Variants in IL23R observed in about 807,000 individuals in gnomAD.
The protein encoded by IL23R is interleukin-23 receptor.
In IL23R, 34 loss-of-function variants were observed where a neutral mutation model predicts 56.9. That is an observed-to-expected ratio of 0.60 (90% CI 0.45 to 0.80). The LOEUF (loss-of-function observed/expected upper bound fraction) is 0.80. Among genes scored for constraint, IL23R ranks in the 30% least tolerant of loss-of-function variants. The probability of loss-of-function intolerance (pLI) is 0.00; values close to 1 mark genes in which losing one functional copy is unlikely to be tolerated. For missense variants in IL23R, 635 were observed against 730.0 expected (o/e 0.87, Z 1.50); for synonymous variants, 230 against 249.2 (o/e 0.92, Z 0.73).
At chr1:67,170,986 C>T (rs1646936153) in intron 3 of IL23R, among the ~76,000 whole-genome samples, 1 of 152,182 alleles carries the variant, frequency 6.6e-6, no homozygotes, top group African/African-American at 2.4e-5. Flanking sequence ...AATAAATCTA[C>T]CTTAAACTGA....
chr1:67,236,631 A>G (rs1462644470), intron 7 of IL23R, 82 bp from the exon 8 acceptor site: 2 of 858,432 alleles, frequency 2.3e-6, no homozygotes, highest in Non-Finnish European at 4.0e-6. Flanking sequence ...TCATCTCTAA[A>G]CAAGGGAAGA....
At position 67,200,833 on chromosome 1, in the gene IL23R, C is replaced by A. The variant is rs1440889889; in HGVS notation, c.588C>A (p.Val196=). Residue 196 remains valine, a synonymous_variant, in exon 5 of 11, where the codon GTC becomes GTA. Transcript: ENST00000347310. ...GTGGCAAGAAGTACTTGGTTTGGGT[C>A]CAAGCAGCAAACGCACTAGGCATGG... The part of the protein sequence containing the change: ...LQGGKKYLVW[V]QAANALGMEE... 6.2e-7 allele frequency: 1 copy of A among 1,613,918 alleles called. No homozygotes were observed. Among genetic ancestry groups the A allele is most frequent in the African/African-American group, 1.3e-5 (1 of 74,876 alleles).
At chr1:67,190,167 C>T (rs767873488) in intron 4 of IL23R, among the ~76,000 whole-genome samples, 3 of 152,192 alleles carry the variant, frequency 2.0e-5, no homozygotes, top group Non-Finnish European at 2.9e-5. Flanking sequence ...AGTAAAATCA[C>T]ATGTAGAGAG....
intron 7 of IL23R, among the ~76,000 whole-genome samples, chr1:67,227,979 TTTCTTTC>T: frequency 1.1e-5 from 1 of 88,898 alleles, no homozygotes; most frequent in Non-Finnish European, 2.4e-5. Flanking sequence ...TCTTTCTTTC[TTTCTTTC>T]TTTCTTTCTT....
intron 4 of IL23R, among the ~76,000 whole-genome samples, chr1:67,194,668 G>T (rs1345317534): frequency 6.6e-6 from 1 of 152,112 alleles, no homozygotes; most frequent in African/African-American, 2.4e-5. Context: ...TTGACTTGTG[G>T]TCTCAGTATG....
intron 1 of IL23R, among the ~76,000 whole-genome samples, chr1:67,141,079 A>G (rs1646632668): frequency 6.6e-6 from 1 of 152,188 alleles, no homozygotes; most frequent in Non-Finnish European, 1.5e-5. Context: ...AGAAATACGT[A>G]ATAACATAGG....
At chr1:67,141,401 G>A (rs2102522800) in intron 1 of IL23R, among the ~76,000 whole-genome samples, 1 of 151,942 alleles carries the variant, frequency 6.6e-6, no homozygotes, top group Non-Finnish European at 1.5e-5. Flanking sequence ...TTGTGAGACT[G>A]GAAAAGTCAA....
chr1:67,241,145 G>A (rs1054980717), intron 9 of IL23R, among the ~76,000 whole-genome samples: 3 of 151,588 alleles, frequency 2.0e-5, no homozygotes, highest in Admixed American at 6.6e-5. Context: ...CCCTTTTGGT[G>A]ATTTTCTCAA....
intron 8 of IL23R, among the ~76,000 whole-genome samples, chr1:67,238,341 GA>G (rs34475912): frequency 6.6e-4 from 86 of 130,576 alleles, no homozygotes; most frequent in Admixed American, 2.1e-3. Context: ...CCTGTCTCAG[GA>G]AAAAAAAAAA....
At chr1:67,196,714 C>T (rs944158504) in intron 4 of IL23R, among the ~76,000 whole-genome samples, 14 of 152,086 alleles carry the variant, frequency 9.2e-5, no homozygotes, top group Admixed American at 9.2e-4. Flanking sequence ...AAGACCTAGA[C>T]CATTGCCATA....
intron 7 of IL23R, among the ~76,000 whole-genome samples, chr1:67,225,941 A>G (rs1274602242): frequency 6.6e-6 from 1 of 152,250 alleles, no homozygotes; most frequent in African/African-American, 2.4e-5. Flanking sequence ...TCATCATAAA[A>G]GACAACATAG....
chr1:67,219,830 C>T (rs1224388463), intron 7 of IL23R, 100 bp downstream of exon 7: 2 of 1,153,492 alleles, frequency 1.7e-6, no homozygotes, highest in Non-Finnish European at 2.6e-6. Context: ...CTTTGAGAGG[C>T]CAAGGCAGGA....
chr1:67,149,245 T>C (rs1646707691), intron 1 of IL23R, among the ~76,000 whole-genome samples: 1 of 152,180 alleles, frequency 6.6e-6, no homozygotes, highest in African/African-American at 2.4e-5. Context: ...CATTGAGCAC[T>C]CTTTCTTGTG....
At chr1:67,220,228 G>A (rs1650151808) in intron 7 of IL23R, among the ~76,000 whole-genome samples, 1 of 151,992 alleles carries the variant, frequency 6.6e-6, no homozygotes, top group Non-Finnish European at 1.5e-5. Context: ...AATTAGCTGG[G>A]CATGGTGGCA....
intron 7 of IL23R, among the ~76,000 whole-genome samples, chr1:67,235,894 C>T (rs561028254): frequency 3.3e-5 from 5 of 152,230 alleles, no homozygotes; most frequent in East Asian, 1.9e-4. Flanking sequence ...ATCAGAGTGA[C>T]GGAATACACA....
In IL23R at chr1:67,185,737, C is replaced by G. The variant is rs573564164; in HGVS notation, c.491+2778C>G. On this transcript the variant is annotated intron_variant, in intron 4 of 10. Transcript: ENST00000347310. ...ACATTGCCAGGCCTAGAGTTACCAG[C>G]TACATGCCATTGGCAAGAGGCGTAC... 1.2e-4 allele frequency among the ~76,000 whole-genome samples: 18 copies of G among 152,156 alleles called. 1 individual carries two copies. In the South Asian group the frequency reaches 3.5e-3, roughly 30 times the overall value.
chr1:67,205,913 TTCTTTCTTTCTTTTTC>T (rs1326870434), intron 5 of IL23R, among the ~76,000 whole-genome samples: 8 of 66,428 alleles, frequency 1.2e-4, no homozygotes, highest in Non-Finnish European at 2.5e-4. Flanking sequence ...CTTTCTTTCT[TTCTTTCTTTCTTTTTC>T]TTTCTTTCTT....
chr1:67,212,923 G>C (rs1649591328), intron 6 of IL23R, among the ~76,000 whole-genome samples: 1 of 151,832 alleles, frequency 6.6e-6, no homozygotes, highest in Non-Finnish European at 1.5e-5. Context: ...GCCCAGGCTG[G>C]AGTGCAGTGG....
intron 7 of IL23R, among the ~76,000 whole-genome samples, chr1:67,226,043 C>A (rs776971616): frequency 5.3e-5 from 8 of 152,236 alleles, no homozygotes; most frequent in Non-Finnish European, 1.2e-4. Context: ...TGTCGCATAT[C>A]ATGTGGCTCA....
Sources: allele counts gnomAD v4.1 joint callset (sites outside exome capture counted in the v4.1 genomes callset), GRCh38; gene constraint gnomAD v4.1.1; transcripts MANE v1.5; gene names NCBI Gene and HGNC (gene_info 2026-07-23, HGNC 2026-07-21).